The following NBPF20 variants were observed in gnomAD, a reference collection of about 807,000 sequenced individuals.
NBPF20 encodes the protein NBPF member 20, also known as NBPF family member NBPF20.
A neutral mutation model predicts 68.1 loss-of-function variants in NBPF20; 90 were observed. The ratio of observed to expected loss-of-function variants is 1.32; its 90% CI spans 1.11 to 1.58. NBPF20 has a LOEUF of 1.58. NBPF20 is among the 40% of genes most tolerant of loss of function. NBPF20 has a pLI of 0.00. For missense variants in NBPF20, 816 were observed against 601.2 expected, an observed-to-expected ratio of 1.36 and a Z score of -3.74; for synonymous variants, 290 against 228.1, an observed-to-expected ratio of 1.27 and a Z score of -2.45.
At chr1:145,409,174 TG>T, upstream of NBPF20, among the ~76,000 whole-genome samples, 1 of 151,612 alleles carries the variant, frequency 6.6e-6, no homozygotes, top group East Asian at 1.9e-4. Flanking sequence ...CTTTTGTGTC[TG>T]CCTTCTTTCA....
chr1:145,291,412 C>A (rs1395029989), exon 138 of NBPF20: 16 of 1,604,730 alleles, frequency 1.0e-5, no homozygotes, highest in Admixed American at 6.7e-5. Flanking sequence ...CAGCCATGCC[C>A]ACTGACCCAT....
intron 112 of NBPF20, 81 bp downstream of exon 117, chr1:145,312,126 AG>A (rs1461739047): frequency 9.6e-6 from 1 of 104,444 alleles, no homozygotes; most frequent in Non-Finnish European, 1.5e-5. Flanking sequence ...CTCTCAGCTC[AG>A]TAAGGGCCAC....
chr1:145,292,403 C>T (rs782527878), exon 137 of NBPF20: 3 of 683,220 alleles, frequency 4.4e-6, no homozygotes, highest in Admixed American at 2.2e-5. Flanking sequence ...GGGTTTTGAT[C>T]TTCTTCCCCT....
chr1:145,334,913 G>T (rs1189692425), intron 83 of NBPF20, among the ~76,000 whole-genome samples: 1 of 130,186 alleles, frequency 7.7e-6, no homozygotes, highest in African/African-American at 2.6e-5. Flanking sequence ...AGGGGTCAAA[G>T]GACACTCTGA....
chr1:145,397,842 C>A (rs1220689555), intron 7 of NBPF20, among the ~76,000 whole-genome samples: 3 of 152,142 alleles, frequency 2.0e-5, no homozygotes, highest in Admixed American at 6.5e-5. Flanking sequence ...GGAAACCCAT[C>A]TCACATGCAG....
At chr1:145,424,168 G>GT in the NBPF20 span, among the ~76,000 whole-genome samples, 1 of 148,520 alleles carries the variant, frequency 6.7e-6, no homozygotes, top group Non-Finnish European at 1.5e-5. Context: ...TAGAGATAGG[G>GT]TTTTGGCACG....
chr1:145,409,217 A>G (rs587705207), upstream of NBPF20, among the ~76,000 whole-genome samples: 1 of 151,936 alleles, frequency 6.6e-6, no homozygotes, highest in South Asian at 2.1e-4. Flanking sequence ...TCCATCTGTA[A>G]TGTCTCGTAA....
chr1:145,338,018 C>G (rs1661585858), intron 79 of NBPF20, among the ~76,000 whole-genome samples: 1 of 94,072 alleles, frequency 1.1e-5, no homozygotes, highest in Non-Finnish European at 2.2e-5. Flanking sequence ...CACACACACA[C>G]ACACACACAC....
chr1:145,400,609 G>T lies in NBPF20; in HGVS notation c.567-15C>A, dbSNP rs1187502944. On this transcript the variant is annotated splice_polypyrimidine_tract_variant and intron_variant, in intron 5 of 137. Transcript: ENST00000369373. ...TCTGCATCTCCCTGATGAGCCAGGT[G>T]GGACAGAGATGACAGAAGATTAAAC... 4.5e-5 allele frequency: 73 copies of T among 1,609,582 alleles called. No individual in the cohort carries two copies. The South Asian group carries it at 7.6e-4, about 17-fold the overall frequency.
intron 2 of NBPF20, among the ~76,000 whole-genome samples, chr1:145,404,493 G>A (rs587616988): frequency 1.4e-4 from 22 of 152,124 alleles, no homozygotes; most frequent in East Asian, 5.8e-4. Context: ...TCCTGACCTC[G>A]TGCTCTGCCC....
At chr1:145,393,749 A>C (rs1662063372) in intron 9 of NBPF20, 135 bp downstream of exon 14, 3 of 1,513,868 alleles carry the variant, frequency 2.0e-6, no homozygotes, top group Non-Finnish European at 2.7e-6. Flanking sequence ...TGAGAACCAG[A>C]AAGCAATGTA....
Position 145,400,326 on chromosome 1 carries a change from T to G in NBPF20, c.775+60A>C, listed in dbSNP as rs1427348453. On this transcript the variant is annotated intron_variant, in intron 6 of 137. Coordinates refer to ENST00000369373, the Ensembl canonical transcript of NBPF20. ...AATGAATTTGTGTTTATAGAGCCTG[T>G]CTTCAGAGTTTATCTTCCTCAGCCT... The G allele has an allele frequency of 1.4e-5, 22 of 1,604,426 alleles. No homozygotes were observed. In the African/African-American group the frequency reaches 2.8e-4, roughly 21 times the overall value.
chr1:145,292,584 C>A (rs1156457583), intron 136 of NBPF20, 95 bp from the exon 142 acceptor site: 3 of 744,224 alleles, frequency 4.0e-6, no homozygotes, highest in Non-Finnish European at 7.3e-6. Context: ...ACCTCAGGCT[C>A]CCCAGCATAA....
rs1473649144 is a variant in NBPF20, at chr1:145,400,227, G to A, written c.775+159C>T. ...TTGATACTGGGGACTGGCAGACAAA[G>A]TCATGACATTAGCTGAGAAGGACAA... On this transcript the variant is annotated intron_variant, in intron 6 of 137. Transcript: ENST00000369373. Among the ~76,000 whole-genome samples, 17 of 152,268 alleles carry A rather than the reference G, an allele frequency of 1.1e-4. No individual in the cohort carries two copies. The South Asian group carries it at 3.5e-3, about 32-fold the overall frequency.
intron 136 of NBPF20, among the ~76,000 whole-genome samples, chr1:145,292,827 T>C (rs1553658515): frequency 1.6e-4 from 11 of 70,804 alleles, no homozygotes; most frequent in Non-Finnish European, 2.0e-4. Context: ...TTTAGCCCTG[T>C]CTCATCAAAT....
At chr1:145,291,001 C>T (rs1211803456) in exon 138 of NBPF20, 17 of 173,936 alleles carry the variant, frequency 9.8e-5, no homozygotes, top group South Asian at 2.2e-4. Context: ...ACCAAAGGAG[C>T]CTAGCGGGTT....
chr1:145,342,775 A>G (rs1318473105), intron 73 of NBPF20, among the ~76,000 whole-genome samples: 1 of 116,392 alleles, frequency 8.6e-6, no homozygotes, highest in African/African-American at 3.6e-5. Flanking sequence ...ACACACACAC[A>G]CACACACACA....
exon 138 of NBPF20, chr1:145,291,623 T>C (rs781795247): frequency 3.1e-6 from 5 of 1,611,848 alleles, no homozygotes; most frequent in Non-Finnish European, 8.5e-7. Context: ...GAAGCTGATG[T>C]GCTGTTCCTC....
chr1:145,409,346 T>A (rs1662919952), upstream of NBPF20, among the ~76,000 whole-genome samples: 1 of 147,928 alleles, frequency 6.8e-6, no homozygotes, highest in African/African-American at 2.5e-5. Flanking sequence ...TGAGCATCCA[T>A]ACGTGGCAGG....
Sources: allele counts gnomAD v4.1 joint callset (sites outside exome capture counted in the v4.1 genomes callset), GRCh38; gene constraint gnomAD v4.1.1; transcripts MANE v1.5; gene names NCBI Gene and HGNC (gene_info 2026-07-23, HGNC 2026-07-21).